Variants in ELOVL7 observed in about 807,000 individuals in gnomAD.
ELOVL7 encodes ELOVL fatty acid elongase 7, also known as very long chain fatty acid elongase 7.
A neutral mutation model predicts 35.7 loss-of-function variants in ELOVL7; 27 were observed. The observed-to-expected ratio is 0.76, with a 90% confidence interval of 0.56 to 1.04. The LOEUF (loss-of-function observed/expected upper bound fraction) is 1.04, where lower values mean the gene tolerates loss of function less well. Ranked by LOEUF, ELOVL7 falls within the 50% of genes least tolerant of loss-of-function variation. The pLI is 0.00. For missense variants in ELOVL7, 327 were observed against 340.8 expected, an observed-to-expected ratio of 0.96 and a Z score of 0.32; for synonymous variants, 113 against 114.6, an observed-to-expected ratio of 0.99 and a Z score of 0.09.
intron 1 of ELOVL7, among the ~76,000 whole-genome samples, chr5:60,837,326 T>TGGGGGGGGGGGGG (rs1471299589): frequency 8.0e-5 from 2 of 25,048 alleles, no homozygotes; most frequent in African/African-American, 3.1e-4. Flanking sequence ...GGGGGGGGAG[T>TGGGGGGGGGGGGG]GGGGGGTGGG....
intron 1 of ELOVL7, among the ~76,000 whole-genome samples, chr5:60,829,579 T>A (rs1746366242): frequency 6.6e-6 from 1 of 152,176 alleles, no homozygotes; most frequent in South Asian, 2.1e-4. Flanking sequence ...TAAATCTACC[T>A]GTTTGTGACA....
intron 1 of ELOVL7, among the ~76,000 whole-genome samples, chr5:60,817,694 TATAC>T (rs1745601709): frequency 6.9e-6 from 1 of 144,156 alleles, no homozygotes; most frequent in Non-Finnish European, 1.6e-5. Context: ...ACACCATATA[TATAC>T]ACACACCATA....
intron 3 of ELOVL7, among the ~76,000 whole-genome samples, chr5:60,786,713 A>G (rs549021671): frequency 3.3e-5 from 5 of 152,118 alleles, no homozygotes; most frequent in East Asian, 1.9e-4. Context: ...TTGGGAGGCC[A>G]AGGCGGGCGG....
chr5:60,784,634 A>T (rs1743458853), intron 3 of ELOVL7, among the ~76,000 whole-genome samples: 1 of 152,180 alleles, frequency 6.6e-6, no homozygotes. Context: ...CCAAGAATAC[A>T]CTTGAAATTC....
rs183974189 is a variant in ELOVL7, at chr5:60,833,434, C to T, written c.-86+10726G>A. Among the ~76,000 whole-genome samples, 363 of 152,256 alleles carry T rather than the reference C, an allele frequency of 2.4e-3. 2 individuals carry two copies. Among genetic ancestry groups the T allele is most frequent in the African/African-American group, 8.2e-3 (341 of 41,554 alleles). ...CTGAGAGATGTCCTGTGGGACTGAG[C>T]GCCAGGTGCCCACAGAGGTAGTAGA... On this transcript the variant is annotated intron_variant, in intron 1 of 8. Transcript: ENST00000508821.
intron 3 of ELOVL7, among the ~76,000 whole-genome samples, chr5:60,786,756 C>T (rs1164859959): frequency 6.6e-6 from 1 of 151,978 alleles, no homozygotes; most frequent in Non-Finnish European, 1.5e-5. Context: ...ACCATCCTAA[C>T]ACAGTGAAAC....
chr5:60,793,877 G>A (rs1333027504), intron 2 of ELOVL7, among the ~76,000 whole-genome samples: 6 of 152,200 alleles, frequency 3.9e-5, no homozygotes, highest in African/African-American at 1.2e-4. Context: ...CAGCAATGAA[G>A]ACATTGAGAG....
intron 4 of ELOVL7, among the ~76,000 whole-genome samples, chr5:60,769,701 C>T (rs940462020): frequency 2.6e-5 from 4 of 152,148 alleles, no homozygotes; most frequent in Non-Finnish European, 5.9e-5. Context: ...AGTTTAAGAA[C>T]ATTCCAACAG....
intron 1 of ELOVL7, among the ~76,000 whole-genome samples, chr5:60,835,840 G>A (rs1476876264): frequency 2.0e-5 from 3 of 151,812 alleles, no homozygotes; most frequent in Admixed American, 6.6e-5. Flanking sequence ...ATAAGTTCAC[G>A]CATATCTAAA....
chr5:60,804,574 T>A (rs1561455712), intron 1 of ELOVL7, among the ~76,000 whole-genome samples: 1 of 152,208 alleles, frequency 6.6e-6, no homozygotes, highest in Non-Finnish European at 1.5e-5. Flanking sequence ...TGGGACCAAC[T>A]GGGAAGTCTC....
rs117805538 is a variant in ELOVL7, at chr5:60,803,468, G to A, written c.-85-4238C>T. On this transcript the variant is annotated intron_variant, in intron 1 of 8. Transcript: ENST00000508821. ...TCAGGATAAACTAATCTTGATTTTC[G>A]TTTAAACAAAGCATGATTAATAAGT... 1.2e-3 allele frequency among the ~76,000 whole-genome samples: 186 copies of A among 152,218 alleles called. 5 individuals carry two copies. In the East Asian group the frequency reaches 0.02, roughly 16 times the overall value.
chr5:60,799,994 G>A (rs956313486), intron 1 of ELOVL7, among the ~76,000 whole-genome samples: 12 of 138,244 alleles, frequency 8.7e-5, no homozygotes, highest in South Asian at 2.3e-4. Flanking sequence ...CTGAGATCAC[G>A]CTATTGCACA....
intron 2 of ELOVL7, among the ~76,000 whole-genome samples, chr5:60,796,031 T>C (rs905326297): frequency 6.6e-6 from 1 of 152,326 alleles, no homozygotes; most frequent in Middle Eastern, 3.4e-3. Flanking sequence ...CTCTCTGGGT[T>C]ATGACCCTAG....
chr5:60,841,225 C>G (rs546876072), intron 1 of ELOVL7, among the ~76,000 whole-genome samples: 1 of 151,944 alleles, frequency 6.6e-6, no homozygotes, highest in Non-Finnish European at 1.5e-5. Context: ...GGGGTTTCAC[C>G]ATTTTGGCCA....
At chr5:60,771,410 T>C (rs548845094) in intron 4 of ELOVL7, among the ~76,000 whole-genome samples, 23 of 152,322 alleles carry the variant, frequency 1.5e-4, no homozygotes, top group Middle Eastern at 6.8e-3. Flanking sequence ...TATGAGTCTA[T>C]GCTCTCTGTC....
intron 1 of ELOVL7, among the ~76,000 whole-genome samples, chr5:60,810,720 C>T (rs1355424127): frequency 6.6e-6 from 1 of 152,190 alleles, no homozygotes; most frequent in Non-Finnish European, 1.5e-5. Context: ...GCACATACCT[C>T]TATATTTGGG....
At chr5:60,779,779 C>T (rs900267405) in intron 3 of ELOVL7, among the ~76,000 whole-genome samples, 2 of 152,234 alleles carry the variant, frequency 1.3e-5, no homozygotes, top group Non-Finnish European at 2.9e-5. Flanking sequence ...GCTTGAATTT[C>T]ACCCTAGAAA....
intron 7 of ELOVL7, among the ~76,000 whole-genome samples, chr5:60,759,629 A>G (rs1010474739): frequency 6.7e-6 from 1 of 149,450 alleles, no homozygotes; most frequent in African/African-American, 2.5e-5. Context: ...TAATTTGTCT[A>G]AAGTTTTTTT....
At position 60,772,285 on chromosome 5, in the gene ELOVL7, T is replaced by A. The variant is rs541010207; in HGVS notation, c.65-192A>T. ...GGAAGTATCCTGGGGCTAGAAACAG[T>A]GGGAGAGGAGCTGTATTATGCACTG... On this transcript the variant is annotated intron_variant, in intron 3 of 8. Coordinates refer to ENST00000508821, the MANE Select transcript of ELOVL7 (RefSeq NM_024930.3). 1.2e-3 allele frequency among the ~76,000 whole-genome samples: 184 copies of A among 152,094 alleles called. 4 individuals carry two copies. The highest frequency in any genetic ancestry group is 1.4e-3 in the Admixed American group (21 of 15,270).
Sources: gnomAD v4.1 joint callset for allele counts (sites outside exome capture counted in the v4.1 genomes callset) on GRCh38, gnomAD v4.1.1 for gene constraint, MANE v1.5 for transcripts, NCBI Gene and HGNC (gene_info 2026-07-23, HGNC 2026-07-21) for gene names.